TESC: variants seen among roughly 807,000 people sequenced by gnomAD.
TESC encodes calcineurin B homologous protein 3.
Under a neutral mutation model 31.0 loss-of-function variants are expected in TESC, and 19 were observed. That is an observed-to-expected ratio of 0.61 (90% CI 0.43 to 0.90). The LOEUF (loss-of-function observed/expected upper bound fraction) is 0.90. Ranked by LOEUF, TESC falls within the 40% of genes least tolerant of loss-of-function variation. The pLI is 0.00. For missense variants in TESC, 248 were observed against 303.8 expected (o/e 0.82, Z 1.36); for synonymous variants, 109 against 114.8 (o/e 0.95, Z 0.32).
At chr12:117,045,263 G>A (rs769173184) in intron 6 of TESC, among the ~76,000 whole-genome samples, 43 of 152,334 alleles carry the variant, frequency 2.8e-4, no homozygotes, top group Non-Finnish European at 2.2e-4. Context: ...GGTACGCCCC[G>A]GAGCCCGGCC....
intron 7 of TESC, among the ~76,000 whole-genome samples, chr12:117,040,793 C>T (rs2135742536): frequency 6.6e-6 from 1 of 152,330 alleles, no homozygotes; most frequent in South Asian, 2.1e-4. Context: ...CTCCTCTCTC[C>T]TGCCGGTTCT....
chr12:117,054,532 C>T (rs1954693857), intron 3 of TESC, among the ~76,000 whole-genome samples: 1 of 152,148 alleles, frequency 6.6e-6, no homozygotes, highest in Non-Finnish European at 1.5e-5. Flanking sequence ...CCTTCTCTCC[C>T]TGCTTTTCTG....
At chr12:117,042,791 C>T (rs1312222536) in intron 6 of TESC, among the ~76,000 whole-genome samples, 2 of 152,162 alleles carry the variant, frequency 1.3e-5, no homozygotes, top group African/African-American at 4.8e-5. Context: ...CCCAGGTGCC[C>T]GTCAATAGAA....
chr12:117,045,452 G>A (rs1040236649), intron 6 of TESC, among the ~76,000 whole-genome samples: 6 of 152,252 alleles, frequency 3.9e-5, no homozygotes, highest in Admixed American at 6.5e-5. Flanking sequence ...AATTTGGCCC[G>A]ACAACCCGGC....
intron 2 of TESC, among the ~76,000 whole-genome samples, chr12:117,074,067 CTT>C (rs1955017150): frequency 6.6e-6 from 1 of 151,740 alleles, no homozygotes; most frequent in East Asian, 1.9e-4. Context: ...TCTACAAAAA[CTT>C]TAAAAAATTA....
intron 1 of TESC, among the ~76,000 whole-genome samples, chr12:117,076,744 G>A (rs568675696): frequency 1.2e-4 from 18 of 152,194 alleles, no homozygotes; most frequent in African/African-American, 4.3e-4. Context: ...ACGCCCGGCC[G>A]TTATCTCAGT....
chr12:117,080,051 A>C (rs995495388), intron 1 of TESC, among the ~76,000 whole-genome samples: 5 of 152,178 alleles, frequency 3.3e-5, no homozygotes, highest in African/African-American at 4.8e-5. Flanking sequence ...GGTAGGTATG[A>C]TTCTACGCCC....
At chr12:117,075,936 T>C (rs1955065293) in intron 1 of TESC, among the ~76,000 whole-genome samples, 1 of 113,598 alleles carries the variant, frequency 8.8e-6, no homozygotes. Flanking sequence ...TATATATATA[T>C]ATATGTATAT....
rs955170470 is a variant in TESC at position 117,078,727 on chromosome 12, CTAGAGT to C, written c.59-3393_59-3388del. ...AATGTGTTTAAGTAATTTAAAAATC[CTAGAGT>C]TATTTTCCCCAAAATAATAATAATT... On this transcript the variant is annotated intron_variant, in intron 1 of 7. Coordinates refer to ENST00000335209, the MANE Select transcript of TESC (RefSeq NM_017899.4). 1.4e-4 allele frequency among the ~76,000 whole-genome samples: 21 copies of C among 152,204 alleles called. No individual in the cohort carries two copies. The South Asian group carries it at 1.5e-3, about 11-fold the overall frequency.
At chr12:117,045,435 A>C (rs1261803112) in intron 6 of TESC, among the ~76,000 whole-genome samples, 1 of 152,252 alleles carries the variant, frequency 6.6e-6, no homozygotes, top group Non-Finnish European at 1.5e-5. Flanking sequence ...TAATTAAATC[A>C]AATGGGAATT....
intron 7 of TESC, among the ~76,000 whole-genome samples, chr12:117,039,457 G>A (rs1013531653): frequency 6.6e-6 from 1 of 152,228 alleles, no homozygotes; most frequent in Non-Finnish European, 1.5e-5. Flanking sequence ...GTCACAGCAA[G>A]TTATTATTAA....
At chr12:117,041,791 A>G (rs901276985) in intron 7 of TESC, among the ~76,000 whole-genome samples, 156 bp downstream of exon 7, 46 of 152,228 alleles carry the variant, frequency 3.0e-4, no homozygotes, top group African/African-American at 9.7e-4. Context: ...ATTGCTTTAA[A>G]GGCCATGCCC....
rs1009443844 is a variant in TESC at position 117,043,102 on chromosome 12, C to T, written c.520-1108G>A. Among the ~76,000 whole-genome samples, 14 of 152,000 alleles carry T rather than the reference C, an allele frequency of 9.2e-5. No individual in the cohort carries two copies. The East Asian group carries it at 1.6e-3, about 17-fold the overall frequency. On this transcript the variant is annotated intron_variant, in intron 6 of 7. Coordinates refer to ENST00000335209, the MANE Select transcript of TESC (RefSeq NM_017899.4). ...AGAAAGATGTCTGCAGGTCTGTGCA[C>T]GCAAACCTTTCCTCAGACTGATAAC...
At chr12:117,052,842 AG>A (rs571015553) in intron 3 of TESC, among the ~76,000 whole-genome samples, 20 of 143,092 alleles carry the variant, frequency 1.4e-4, no homozygotes, top group Non-Finnish European at 2.9e-4. Flanking sequence ...TGCCTGGCCC[AG>A]CCCCCACCTT....
At chr12:117,068,305 G>A (rs1954915279) in intron 2 of TESC, among the ~76,000 whole-genome samples, 1 of 152,126 alleles carries the variant, frequency 6.6e-6, no homozygotes, top group African/African-American at 2.4e-5. Flanking sequence ...CGAGGCGGGT[G>A]GATCACCTGA....
At chr12:117,091,081 G>A (rs1416828604) in intron 1 of TESC, among the ~76,000 whole-genome samples, 1 of 152,192 alleles carries the variant, frequency 6.6e-6, no homozygotes, top group Admixed American at 6.5e-5. Context: ...CTGCTGGGAC[G>A]ACAAAGAGCC....
At chr12:117,045,035 T>C (rs7960731) in intron 6 of TESC, among the ~76,000 whole-genome samples, 67,687 of 152,156 alleles carry the variant, frequency 0.44, 17,297 homozygotes, top group African/African-American at 0.71. Context: ...CCTCAGAGGC[T>C]GGGAGGGATT....
intron 2 of TESC, among the ~76,000 whole-genome samples, chr12:117,074,787 G>A (rs866373250): frequency 1.6e-4 from 24 of 152,242 alleles, no homozygotes; most frequent in African/African-American, 5.8e-4. Context: ...TTATAATTGT[G>A]TGATCCTCAT....
At position 117,049,089 on chromosome 12, in the gene TESC, G is replaced by C. The variant is rs757275678; in HGVS notation, c.279C>G (p.Ser93=). Residue 93 remains serine (S), a synonymous_variant, in exon 4 of 8, where the codon TCC becomes TCG. Coordinates refer to ENST00000335209, the MANE Select transcript of TESC (RefSeq NM_017899.4). ...INFEDFLTIM[S]YFRPIDTTMD... Reference sequence around the variant, plus strand: ...TGGTGGTGTCGATGGGCCGGAAGTAGGACATGATGGTCAGGAAGTCCTCGA... The same window carrying C: ...TGGTGGTGTCGATGGGCCGGAAGTACGACATGATGGTCAGGAAGTCCTCGA... 1.2e-6 allele frequency: 2 copies of C among 1,614,126 alleles called. No homozygotes were observed. The highest frequency in any genetic ancestry group is 1.7e-6 in the Non-Finnish European group (2 of 1,180,056).
Sources: allele counts gnomAD v4.1 joint callset (sites outside exome capture counted in the v4.1 genomes callset), GRCh38; gene constraint gnomAD v4.1.1; transcripts MANE v1.5; gene names NCBI Gene and HGNC (gene_info 2026-07-23, HGNC 2026-07-21).